The following CDON variants were observed in gnomAD, a reference collection of about 807,000 sequenced individuals.
CDON encodes the protein cell adhesion molecule-related/down-regulated by oncogenes.
Under a neutral mutation model 120.9 loss-of-function variants are expected in CDON, and 73 were observed. That is an observed-to-expected ratio of 0.60 (90% CI 0.50 to 0.73). CDON has a LOEUF of 0.73. Ranked by LOEUF, CDON falls within the 30% of genes least tolerant of loss-of-function variation. The pLI is 0.00. For synonymous variants in CDON, 566 were observed against 573.5 expected (o/e 0.99, Z 0.19); for missense variants, 1,470 against 1,587.3 (o/e 0.93, Z 1.26).
chr11:125,974,284 C>G (rs1946087298), intron 18 of CDON, among the ~76,000 whole-genome samples: 3 of 151,392 alleles, frequency 2.0e-5, no homozygotes, highest in Non-Finnish European at 4.4e-5. Flanking sequence ...TGCTCACTGC[C>G]ATATCCCCAG....
chr11:126,054,022 T>A (rs12222832), intron 1 of CDON, among the ~76,000 whole-genome samples: 23,672 of 152,210 alleles, frequency 0.16, 2,212 homozygotes, highest in East Asian at 0.29. Flanking sequence ...AGTTCTGATG[T>A]CACTACAATA....
At chr11:126,003,255 G>A (rs1161340821) in intron 10 of CDON, among the ~76,000 whole-genome samples, 1 of 152,146 alleles carries the variant, frequency 6.6e-6, no homozygotes, top group African/African-American at 2.4e-5. Flanking sequence ...AATATTAGCT[G>A]AACTGAATAC....
chr11:126,053,618 C>T (rs1591437090), intron 1 of CDON, among the ~76,000 whole-genome samples: 2 of 152,098 alleles, frequency 1.3e-5, no homozygotes, highest in South Asian at 4.1e-4. Flanking sequence ...GACATTCAGC[C>T]ACATCATCAT....
intron 18 of CDON, among the ~76,000 whole-genome samples, chr11:125,973,519 A>C (rs998402902): frequency 6.6e-6 from 1 of 152,198 alleles, no homozygotes; most frequent in South Asian, 2.1e-4. Context: ...CAACAGAGTG[A>C]GACTCCATCT....
rs765875828 is a variant in CDON at position 126,023,412 on chromosome 11, G to A, written c.65C>T (p.Ser22Phe). 3 of 1,608,764 alleles carry A rather than the reference G, an allele frequency of 1.9e-6. No individual in the cohort carries two copies. Among genetic ancestry groups the A allele is most frequent in the Non-Finnish European group, 2.6e-6 (3 of 1,175,236 alleles). ...AATTCTACTCTTACCTGAACTCACA[G>A]AAGAGCACAGAATTGTAAGAGTAAC... ...LYVTLTILCSSVSSDLAPYFT... is the reference protein window; with the variant it reads ...LYVTLTILCSFVSSDLAPYFT... Residue 22 changes from serine (S) to phenylalanine (F), a missense_variant, in exon 2 of 20, where the codon TCT (serine) becomes TTT (phenylalanine). Physicochemically the swap from Ser to Phe is radical, Grantham distance 155. Transcript: ENST00000531738.
rs1190573891 is a variant in CDON, at chr11:125,983,875, G to C, written c.2992C>G (p.Gln998Glu). The C allele has an allele frequency of 1.9e-6, 3 of 1,610,088 alleles. No individual in the cohort carries two copies. The highest frequency in any genetic ancestry group is 2.5e-6 in the Non-Finnish European group (3 of 1,176,536). ...GAGATATTTATGAGTGACTTACTTT[G>C]TATGGTATTCTGCTGGCGATTCTTC... ...LWKNRQQNTI[Q>E]KYDPPGYLYQ... The change falls in exon 16 of 20, where the codon CAA (glutamine) becomes GAA (glutamate). Residue 998 changes from glutamine to glutamate, a missense_variant. Gln to Glu is a conservative substitution (Grantham distance 29). Coordinates refer to ENST00000531738, the MANE Select transcript of CDON (RefSeq NM_001378964.1).
At chr11:126,027,168 T>C (rs535415279) in intron 1 of CDON, among the ~76,000 whole-genome samples, 1 of 152,344 alleles carries the variant, frequency 6.6e-6, no homozygotes, top group Non-Finnish European at 1.5e-5. Context: ...TTGGTTTACA[T>C]GTACCCAAGG....
chr11:126,038,351 T>A (rs901578831), intron 1 of CDON, among the ~76,000 whole-genome samples: 5 of 152,086 alleles, frequency 3.3e-5, no homozygotes, highest in Non-Finnish European at 7.4e-5. Context: ...TCAGTATTTA[T>A]CTTAAAAAAA....
intron 12 of CDON, among the ~76,000 whole-genome samples, chr11:125,995,934 T>C (rs537908772): frequency 1.3e-5 from 2 of 152,250 alleles, no homozygotes; most frequent in African/African-American, 2.4e-5. Flanking sequence ...AGTTTATTTA[T>C]GCTTTTTGTC....
intron 1 of CDON, among the ~76,000 whole-genome samples, chr11:126,037,264 C>A (rs961871404): frequency 1.3e-5 from 2 of 151,978 alleles, no homozygotes; most frequent in African/African-American, 4.8e-5. Context: ...CCATGCTCGG[C>A]TAATTTTTGT....
In CDON at chr11:125,961,899, G is replaced by A. The variant is rs773182905; in HGVS notation, c.3456C>T (p.Leu1152=). 6.2e-7 allele frequency: 1 copy of A among 1,614,204 alleles called. No homozygotes were observed. Among genetic ancestry groups the A allele is most frequent in the Non-Finnish European group, 8.5e-7 (1 of 1,180,020 alleles). Residue 1152 remains leucine (L), a synonymous_variant, in exon 19 of 20, where the codon CTC becomes CTT. Coordinates refer to ENST00000531738, the MANE Select transcript of CDON (RefSeq NM_001378964.1). The part of the protein sequence containing the change: ...YPQDGLEMKP[L]SHVKVPVCLT... ...GGCATACAGGCACCTTCACGTGACT[G>A]AGGGGCTTCATTTCCAAACCATCCT...
chr11:125,982,982 CT>C (rs1339949003), intron 16 of CDON, among the ~76,000 whole-genome samples: 1 of 152,238 alleles, frequency 6.6e-6, no homozygotes, highest in Non-Finnish European at 1.5e-5. Flanking sequence ...ATCTCTCCCC[CT>C]ATCTCTTGGA....
chr11:126,030,378 T>C (rs1375749871), intron 1 of CDON, among the ~76,000 whole-genome samples: 1 of 152,240 alleles, frequency 6.6e-6, no homozygotes, highest in Non-Finnish European at 1.5e-5. Context: ...ATAAGGATGA[T>C]GAAGGCTGTC....
chr11:125,967,594 T>C (rs555909164), intron 18 of CDON, among the ~76,000 whole-genome samples: 2 of 152,204 alleles, frequency 1.3e-5, no homozygotes, highest in Non-Finnish European at 2.9e-5. Flanking sequence ...CTAAGTGATC[T>C]TCTGCCTTGA....
chr11:126,030,640 T>C (rs895277364), intron 1 of CDON, among the ~76,000 whole-genome samples: 2 of 152,198 alleles, frequency 1.3e-5, no homozygotes, highest in Non-Finnish European at 2.9e-5. Context: ...TCTCAAAATA[T>C]GCTATTGATC....
In CDON at chr11:126,019,757, C is replaced by A. The variant is rs745781142; in HGVS notation, c.358G>T (p.Asp120Tyr). The A allele has an allele frequency of 6.8e-6, 11 of 1,612,108 alleles. No homozygotes were observed. Among genetic ancestry groups the A allele is most frequent in the Non-Finnish European group, 8.5e-6 (10 of 1,178,460 alleles). Reference protein sequence around the residue: ...PATVSVAVLGDFGSSTKHVIT... With the variant: ...PATVSVAVLGYFGSSTKHVIT... ...ACATGCTTTGTGGATGAACCAAAAT[C>A]ACCAAGAACTGAAATATATAAGGAA... The change falls in exon 4 of 20, where the codon GAT (aspartate) becomes TAT (tyrosine). Residue 120 changes from aspartate to tyrosine, a missense_variant. Physicochemically the swap from Asp to Tyr is radical, Grantham distance 160. Transcript: ENST00000531738.
intron 1 of CDON, among the ~76,000 whole-genome samples, chr11:126,033,930 G>A (rs1179560477): frequency 6.6e-6 from 1 of 152,054 alleles, no homozygotes; most frequent in Non-Finnish European, 1.5e-5. Flanking sequence ...CTGACCTGCC[G>A]CATCACTCCC....
chr11:126,059,585 G>A (rs1350672547), intron 1 of CDON, among the ~76,000 whole-genome samples: 2 of 151,378 alleles, frequency 1.3e-5, no homozygotes, highest in African/African-American at 2.4e-5. Context: ...AATTCCTCAG[G>A]TGCTCGCTAA....
At chr11:126,036,130 AAACTTATTCC>A (rs1170298857) in intron 1 of CDON, among the ~76,000 whole-genome samples, 1 of 152,222 alleles carries the variant, frequency 6.6e-6, no homozygotes, top group Non-Finnish European at 1.5e-5. Flanking sequence ...AACCCAGATA[AAACTTATTCC>A]AATGATGCTT....
Sources: allele counts gnomAD v4.1 joint callset (sites outside exome capture counted in the v4.1 genomes callset), GRCh38; gene constraint gnomAD v4.1.1; transcripts MANE v1.5; gene names NCBI Gene and HGNC (gene_info 2026-07-23, HGNC 2026-07-21).